SASH1: variants seen among roughly 807,000 people sequenced by gnomAD.
SASH1 encodes the protein SAM and SH3 domain-containing protein 1.
In SASH1, 44 loss-of-function variants were observed where a neutral mutation model predicts 125.2. The ratio of observed to expected loss-of-function variants is 0.35; its 90% CI spans 0.28 to 0.45. The LOEUF (loss-of-function observed/expected upper bound fraction) is 0.45, where lower values mean the gene tolerates loss of function less well. SASH1 is among the 20% of genes least tolerant of loss of function. The probability of loss-of-function intolerance (pLI) is 1.00; values close to 1 mark genes in which losing one functional copy is unlikely to be tolerated. For synonymous variants in SASH1, 639 were observed against 649.1 expected (o/e 0.98, Z 0.24); for missense variants, 1,426 against 1,614.5 (o/e 0.88, Z 2.00).
At chr6:148,511,388 GATT>G (rs2115316068) in intron 8 of SASH1, among the ~76,000 whole-genome samples, 1 of 147,204 alleles carries the variant, frequency 6.8e-6, no homozygotes, top group East Asian at 2.0e-4. Flanking sequence ...GGATGACCTG[GATT>G]TTATATTGCA....
In SASH1 at chr6:148,519,844, C is replaced by G. The variant is rs116958992; in HGVS notation, c.1160C>G (p.Ser387Cys). The G allele has an allele frequency of 1.2e-6, 2 of 1,607,020 alleles. No individual in the cohort carries two copies. Among genetic ancestry groups the G allele is most frequent in the South Asian group, 2.2e-5 (2 of 90,194 alleles). Residue 387 changes from serine to cysteine, a missense_variant, in exon 10 of 20, where the codon TCC becomes TGC. By Grantham distance (112) the Ser-to-Cys change is moderately radical. Transcript: ENST00000367467. This position sits in a 1 kb window ranked among gnomAD's most constrained non-coding sequence, Gnocchi z 4.8. Reference protein sequence around the residue: ...EEEKAQKVSRSLTEGEMKKGL... With the variant: ...EEEKAQKVSRCLTEGEMKKGL... The stretch of plus-strand genomic sequence containing the variant: ...GAAAAGGCCCAGAAAGTGTCCCGCT[C>G]CCTCACCGAGGGGGAGATGAAGAAG...
At chr6:148,281,215 C>G (rs1779332761) in intron 1 of SASH1, among the ~76,000 whole-genome samples, 1 of 150,986 alleles carries the variant, frequency 6.6e-6, no homozygotes, top group Non-Finnish European at 1.5e-5. Context: ...GCCATGTCCT[C>G]CCAAAGTGCT....
At chr6:148,218,972 C>T in the SASH1 span, among the ~76,000 whole-genome samples, 1 of 152,212 alleles carries the variant, frequency 6.6e-6, no homozygotes, top group African/African-American at 2.4e-5. Context: ...TGTTCATGCT[C>T]AGCCTGAAAG....
rs1780222438 is a variant in SASH1, at chr6:148,309,017, G to T, written n.74+36640G>T. Reference sequence around the variant, plus strand: ...GAGACTCGCTTGAACTCCGGAGGTGGAGGTTGCAGTGAGCCAAGATTTCAC... The same window carrying T: ...GAGACTCGCTTGAACTCCGGAGGTGTAGGTTGCAGTGAGCCAAGATTTCAC... On this transcript the variant is annotated intron_variant and non_coding_transcript_variant, in intron 1 of 3. Transcript: ENST00000367469. Among the ~76,000 whole-genome samples the T allele has an allele frequency of 2.0e-5, 3 of 147,542 alleles. No individual in the cohort carries two copies. In the South Asian group the frequency reaches 6.5e-4, roughly 32 times the overall value.
chr6:148,271,318 C>T (rs1214551293), upstream of SASH1, among the ~76,000 whole-genome samples: 1 of 152,126 alleles, frequency 6.6e-6, no homozygotes, highest in Non-Finnish European at 1.5e-5. Flanking sequence ...AAATACTAAC[C>T]CTAATGTTCC....
intron 1 of SASH1, among the ~76,000 whole-genome samples, chr6:148,335,743 G>T (rs1781135814): frequency 6.6e-6 from 1 of 152,054 alleles, no homozygotes; most frequent in South Asian, 2.1e-4. Flanking sequence ...GACAGCGATG[G>T]TTACTGCTGC....
chr6:148,403,200 A>C (rs1784245343), intron 2 of SASH1, among the ~76,000 whole-genome samples: 1 of 151,926 alleles, frequency 6.6e-6, no homozygotes, highest in Non-Finnish European at 1.5e-5. Context: ...AGATTAGTTT[A>C]TGTCCTTGGG....
rs1050750651 is a variant in SASH1, at chr6:148,525,110, G to A, written c.1210-181G>A. 1.7e-5 allele frequency: 10 copies of A among 584,508 alleles called. No homozygotes were observed. The African/African-American group carries it at 1.9e-4, about 11-fold the overall frequency. 36.2% of individuals were successfully genotyped at this position (584,508 alleles called of 1,614,324 possible). On this transcript the variant is annotated intron_variant, in intron 10 of 19. Transcript: ENST00000367467. ...AGTGGCCTGTGAAAGGGAAAAATGA[G>A]TGAAGTTTCCTTACGACATGACTCA... is the stretch of plus-strand genomic sequence containing the variant.
At chr6:148,449,066 T>G (rs1326112253) in intron 4 of SASH1, among the ~76,000 whole-genome samples, 2 of 125,142 alleles carry the variant, frequency 1.6e-5, no homozygotes, top group South Asian at 6.7e-4. Flanking sequence ...ACTGGCTAAT[T>G]TCATTTCATT....
chr6:148,459,613 G>C (rs962285486), intron 4 of SASH1, among the ~76,000 whole-genome samples: 7 of 152,174 alleles, frequency 4.6e-5, no homozygotes, highest in African/African-American at 1.7e-4. Context: ...CGAGGTGCCA[G>C]AGAACCAGCC....
At chr6:148,405,932 A>G (rs963584713) in intron 2 of SASH1, among the ~76,000 whole-genome samples, 14 of 152,256 alleles carry the variant, frequency 9.2e-5, no homozygotes, top group Non-Finnish European at 2.1e-4. Flanking sequence ...AAAAAAAATC[A>G]GAAATCGACA....
the SASH1 span, among the ~76,000 whole-genome samples, chr6:148,259,660 T>C: frequency 6.6e-6 from 1 of 152,146 alleles, no homozygotes; most frequent in African/African-American, 2.4e-5. Flanking sequence ...CTTTCATTCA[T>C]TGCATAAATG....
intron 18 of SASH1, among the ~76,000 whole-genome samples, chr6:148,545,094 A>T (rs1223919593): frequency 1.3e-5 from 2 of 152,342 alleles, no homozygotes; most frequent in East Asian, 3.9e-4. Flanking sequence ...ATGTGGACAA[A>T]AGAACCCTAT....
chr6:148,485,808 C>A (rs1238919946), intron 7 of SASH1, among the ~76,000 whole-genome samples: 1 of 152,200 alleles, frequency 6.6e-6, no homozygotes, highest in Non-Finnish European at 1.5e-5. Flanking sequence ...AGCTCCAGGG[C>A]TTCGGGATTG....
chr6:148,287,084 TG>T (rs1388406278), intron 1 of SASH1, among the ~76,000 whole-genome samples: 1 of 152,112 alleles, frequency 6.6e-6, no homozygotes, highest in Admixed American at 6.5e-5. Flanking sequence ...GTGCCGTTCT[TG>T]CCCCAGGTCT....
chr6:148,508,791 G>C, intron 8 of SASH1: 1 of 1,182,276 alleles, frequency 8.5e-7, no homozygotes. Context: ...TGCTACAAGA[G>C]TGAAGACGCT....
the SASH1 span, among the ~76,000 whole-genome samples, chr6:148,229,153 A>AC: frequency 6.6e-5 from 10 of 151,476 alleles, no homozygotes; most frequent in Non-Finnish European, 1.2e-4. Flanking sequence ...AAAAAAAAAA[A>AC]AAAACACTTA....
At chr6:148,502,904 G>C (rs1365112034) in intron 8 of SASH1, among the ~76,000 whole-genome samples, 3 of 152,108 alleles carry the variant, frequency 2.0e-5, no homozygotes, top group Non-Finnish European at 2.9e-5. Flanking sequence ...TTCCCACATC[G>C]GAATTCCTAT....
chr6:148,197,937 C>T, the SASH1 span, among the ~76,000 whole-genome samples: 4,751 of 152,256 alleles, frequency 0.031, 116 homozygotes, highest in South Asian at 0.064. Flanking sequence ...GCAACCTCCG[C>T]CTCCCATGTT....
Sources: allele counts gnomAD v4.1 joint callset (sites outside exome capture counted in the v4.1 genomes callset), GRCh38; gene constraint gnomAD v4.1.1; non-coding constraint Gnocchi (gnomAD v3.1); transcripts MANE v1.5; gene names NCBI Gene and HGNC (gene_info 2026-07-23, HGNC 2026-07-21).